MAP3K7: variants seen among roughly 807,000 people sequenced by gnomAD.
MAP3K7 encodes mitogen-activated protein kinase kinase kinase 7.
A neutral mutation model predicts 84.8 loss-of-function variants in MAP3K7; 21 were observed. That is an observed-to-expected ratio of 0.25 (90% confidence interval 0.18 to 0.36). The LOEUF is 0.36. MAP3K7 is among the 10% of genes least tolerant of loss of function. The pLI is 1.00. For synonymous variants in MAP3K7, 241 were observed against 247.7 expected (o/e 0.97, Z 0.25); for missense variants, 503 against 747.7 (o/e 0.67, Z 3.82).
At chr6:90,577,621 G>A (rs1228529911) in intron 1 of MAP3K7, among the ~76,000 whole-genome samples, 1 of 152,186 alleles carries the variant, frequency 6.6e-6, no homozygotes, top group Non-Finnish European at 1.5e-5. Context: ...AACTAGGAGA[G>A]AGTCAGAGAA....
intron 1 of MAP3K7, 66 bp from the exon 2 acceptor site, chr6:90,571,873 G>A: frequency 1.3e-6 from 1 of 764,356 alleles, no homozygotes; most frequent in Non-Finnish European, 2.0e-6. Context: ...AAATAGATCA[G>A]CCCAATATAA....
intron 13 of MAP3K7, among the ~76,000 whole-genome samples, chr6:90,527,170 G>A (rs1243129303): frequency 6.6e-6 from 1 of 152,070 alleles, no homozygotes; most frequent in East Asian, 1.9e-4. Context: ...CTCAACAGAT[G>A]CAGAAAAAGC....
At chr6:90,578,085 ATACATAAAAGAGGTAAG>A (rs1163667858) in intron 1 of MAP3K7, among the ~76,000 whole-genome samples, 1 of 152,234 alleles carries the variant, frequency 6.6e-6, no homozygotes, top group Non-Finnish European at 1.5e-5. Flanking sequence ...GAGTACAAAG[ATACATAAAAGAGGTAAG>A]TATTACATGG....
intron 9 of MAP3K7, among the ~76,000 whole-genome samples, chr6:90,548,516 A>T (rs1285213651): frequency 6.6e-6 from 1 of 152,126 alleles, no homozygotes; most frequent in Non-Finnish European, 1.5e-5. Context: ...CAGTTTGGAA[A>T]ATATTAAGTT....
rs373252137 is a variant in MAP3K7, at chr6:90,561,603, C to T, written c.343+19G>A. ...ATTATTTTAATCCACTAGATAAAGA[C>T]AGGTCTAATGACACTCACCATTATA... On this transcript the variant is annotated intron_variant, in intron 4 of 16. Transcript: ENST00000369329. 3.8e-6 allele frequency: 6 copies of T among 1,576,226 alleles called. No individual in the cohort carries two copies. The highest frequency in any genetic ancestry group is 3.5e-6 in the Non-Finnish European group (4 of 1,150,856).
At chr6:90,521,891 A>G (rs1775163867) in intron 14 of MAP3K7, among the ~76,000 whole-genome samples, 1 of 151,964 alleles carries the variant, frequency 6.6e-6, no homozygotes, top group Non-Finnish European at 1.5e-5. Context: ...ATATACAAAA[A>G]CCTCTCAAAT....
chr6:90,548,411 G>A (rs193035715), intron 9 of MAP3K7, among the ~76,000 whole-genome samples: 1 of 152,180 alleles, frequency 6.6e-6, no homozygotes, highest in African/African-American at 2.4e-5. Flanking sequence ...AATAACTTAA[G>A]GTTTTTAACC....
At position 90,553,585 on chromosome 6, in the gene MAP3K7, ACCT is replaced by A. The variant is rs1239167876; in HGVS notation, c.608-2_608del. The stretch of plus-strand genomic sequence containing the variant: ...CGTCACATTTTTCACTGTAATTACT[ACCT>A]AGAAAAAAAAAAGGTAGTATATAAC... On this transcript the variant is annotated splice_acceptor_variant and coding_sequence_variant, in exon 7 of 17. Coordinates refer to ENST00000369329, the MANE Select transcript of MAP3K7 (RefSeq NM_145331.3). LOFTEE classifies it high-confidence loss of function. The A allele has an allele frequency of 1.2e-6, 2 of 1,601,982 alleles. No homozygotes were observed. Among genetic ancestry groups the A allele is most frequent in the Non-Finnish European group, 8.5e-7 (1 of 1,176,350 alleles).
intron 2 of MAP3K7, among the ~76,000 whole-genome samples, chr6:90,570,880 T>C (rs147473205): frequency 2.8e-3 from 431 of 152,332 alleles, no homozygotes; most frequent in Middle Eastern, 6.8e-3. Flanking sequence ...AACATATTAC[T>C]AGAAATCATC....
Position 90,586,965 on chromosome 6 carries a change from C to A in MAP3K7, c.-82G>T. ...AGACCCGCGCCCACCCGCCTCCGGACCGACCCTCAGCCTGGAGCCGCGCAG... is the reference window on the plus strand; with the variant it reads ...AGACCCGCGCCCACCCGCCTCCGGAACGACCCTCAGCCTGGAGCCGCGCAG... On this transcript the variant is annotated 5_prime_UTR_variant, in exon 1 of 17. Coordinates refer to ENST00000369329, the MANE Select transcript of MAP3K7 (RefSeq NM_145331.3). The A allele has an allele frequency of 6.9e-7, 1 of 1,444,342 alleles. No homozygotes were observed. Among genetic ancestry groups the A allele is most frequent in the Non-Finnish European group, 9.1e-7 (1 of 1,102,560 alleles). The allele number at this position is 1,444,342 out of a possible 1,614,324, so 89.5% of individuals were successfully genotyped here.
intron 12 of MAP3K7, among the ~76,000 whole-genome samples, chr6:90,537,535 G>C (rs1775720048): frequency 6.6e-6 from 1 of 151,950 alleles, no homozygotes; most frequent in African/African-American, 2.4e-5. Flanking sequence ...TATGTGTAGT[G>C]AATATAAAAA....
intron 3 of MAP3K7, among the ~76,000 whole-genome samples, chr6:90,566,227 G>A (rs985672009): frequency 1.9e-4 from 29 of 152,156 alleles, no homozygotes; most frequent in Admixed American, 4.6e-4. Flanking sequence ...AATCAGACAG[G>A]AGAAAGAAAT....
chr6:90,547,985 G>C (rs1776057471), intron 10 of MAP3K7, 62 bp downstream of exon 10: 1 of 1,296,624 alleles, frequency 7.7e-7, no homozygotes, highest in Non-Finnish European at 1.0e-6. Context: ...ATTAATTTCA[G>C]TTAGTATAAT....
intron 9 of MAP3K7, among the ~76,000 whole-genome samples, chr6:90,550,037 GA>G (rs1776131193): frequency 1.3e-5 from 2 of 152,026 alleles, no homozygotes; most frequent in Admixed American, 1.3e-4. Context: ...TCACATTTCG[GA>G]AAACTAAGGA....
At chr6:90,525,930 C>T (rs527954649) in intron 13 of MAP3K7, among the ~76,000 whole-genome samples, 23 of 152,050 alleles carry the variant, frequency 1.5e-4, no homozygotes, top group Admixed American at 1.5e-3. Flanking sequence ...AAGGAGGTAT[C>T]GTCAAACTCC....
rs1028453239 is a variant in MAP3K7 at position 90,514,022 on chromosome 6, G to C, written c.*2479C>G. ...CTCACGAATACTTCCCTCTAGATTA[G>C]ATAAAAGCTTGCTTTCTTTTCCTGG... On this transcript the variant is annotated 3_prime_UTR_variant, in exon 17 of 17. Transcript: ENST00000369329. 2.1e-4 allele frequency: 32 copies of C among 151,380 alleles called. No homozygotes were observed. Among genetic ancestry groups the C allele is most frequent in the Admixed American group, 1.1e-3 (16 of 15,102 alleles). 9.4% of individuals were successfully genotyped at this position (151,380 alleles called of 1,614,324 possible).
At chr6:90,580,097 A>C (rs1777219018) in intron 1 of MAP3K7, among the ~76,000 whole-genome samples, 1 of 152,244 alleles carries the variant, frequency 6.6e-6, no homozygotes, top group Admixed American at 6.5e-5. Flanking sequence ...CAAGAACATA[A>C]AATCGTGGAG....
intron 1 of MAP3K7, among the ~76,000 whole-genome samples, chr6:90,576,283 C>A (rs947952381): frequency 1.3e-5 from 2 of 151,726 alleles, no homozygotes; most frequent in African/African-American, 2.4e-5. Flanking sequence ...ATTAACGGGG[C>A]GTGGTGGCAG....
At chr6:90,575,938 A>G (rs557795072) in intron 1 of MAP3K7, among the ~76,000 whole-genome samples, 27 of 152,302 alleles carry the variant, frequency 1.8e-4, no homozygotes, top group African/African-American at 6.0e-4. Context: ...GATCTACACA[A>G]ATGTACTTTC....
Sources: gnomAD v4.1 joint callset for allele counts (sites outside exome capture counted in the v4.1 genomes callset) on GRCh38, gnomAD v4.1.1 for gene constraint, MANE v1.5 for transcripts, NCBI Gene and HGNC (gene_info 2026-07-23, HGNC 2026-07-21) for gene names.